Variants in MLPH observed in about 807,000 individuals in gnomAD.
MLPH encodes melanophilin, also known as exophilin-3.
Under a neutral mutation model 72.1 loss-of-function variants are expected in MLPH, and 51 were observed. That is an observed-to-expected ratio of 0.71 (90% confidence interval 0.56 to 0.89). The LOEUF is 0.89. Among genes scored for constraint, MLPH ranks in the 40% least tolerant of loss-of-function variants. The probability of loss-of-function intolerance (pLI) is 0.00; values close to 1 mark genes in which losing one functional copy is unlikely to be tolerated. For synonymous variants in MLPH, 301 were observed against 310.1 expected, an observed-to-expected ratio of 0.97 and a Z score of 0.31; for missense variants, 743 against 759.9, an observed-to-expected ratio of 0.98 and a Z score of 0.26.
intron 1 of MLPH, among the ~76,000 whole-genome samples, chr2:237,492,182 AT>A (rs1315769193): frequency 2.6e-5 from 4 of 152,030 alleles, no homozygotes; most frequent in African/African-American, 4.8e-5. Flanking sequence ...TGACATTTGG[AT>A]TTTCCTTCCT....
In MLPH at chr2:237,510,660, G is replaced by A. The variant is rs142906980; in HGVS notation, c.197G>A (p.Arg66His). 4.0e-5 allele frequency: 65 copies of A among 1,613,764 alleles called. 1 individual carries two copies. Among genetic ancestry groups the A allele is most frequent in the South Asian group, 1.6e-4 (15 of 91,088 alleles). Residue 66 changes from arginine to histidine, a missense_variant, in exon 3 of 16, where the codon CGC becomes CAC. Physicochemically the swap from Arg to His is conservative, Grantham distance 29. Coordinates refer to ENST00000264605, the MANE Select transcript of MLPH (RefSeq NM_024101.7). This position sits in a 1 kb window ranked among gnomAD's most constrained non-coding sequence, Gnocchi z 4.4. Reference protein sequence around the residue: ...TAHLNETHCARCLQPYQLLVN... With the variant: ...TAHLNETHCAHCLQPYQLLVN... ...CATCTGAACGAGACCCACTGCGCCC[G>A]CTGCCTGCAGCCCTACCAGCTGCTT...
At chr2:237,521,810 A>C (rs1449639282) in intron 6 of MLPH, among the ~76,000 whole-genome samples, 1 of 131,714 alleles carries the variant, frequency 7.6e-6, no homozygotes, top group Non-Finnish European at 1.5e-5. Flanking sequence ...GCTGGAGCGG[A>C]GCAGGGCTGA....
intron 9 of MLPH, chr2:237,537,409 C>T (rs2080557627): frequency 6.6e-6 from 1 of 152,308 alleles, no homozygotes; most frequent in African/African-American, 2.4e-5. Context: ...GGGCGCTGGG[C>T]TTCCATTTCT....
At chr2:237,502,940 G>A (rs151073817) in intron 2 of MLPH, among the ~76,000 whole-genome samples, 2,882 of 152,164 alleles carry the variant, frequency 0.019, 99 homozygotes, top group African/African-American at 0.066. Flanking sequence ...TCAGCATGGC[G>A]AAACCCCATC....
At chr2:237,523,041 G>T (rs2080224628) in intron 6 of MLPH, among the ~76,000 whole-genome samples, 1 of 152,326 alleles carries the variant, frequency 6.6e-6, no homozygotes, top group Non-Finnish European at 1.5e-5. Context: ...TATTTGAAAA[G>T]TTGATTAATG....
At chr2:237,553,492 A>C (rs1227989829) in intron 15 of MLPH, 74 bp from the exon 16 acceptor site, 1 of 1,384,582 alleles carries the variant, frequency 7.2e-7, no homozygotes, top group Non-Finnish European at 1.0e-6. Flanking sequence ...TTGTATGTGC[A>C]TGCCCATGTG....
At chr2:237,495,873 C>A (rs1574832222) in intron 2 of MLPH, among the ~76,000 whole-genome samples, 1 of 152,206 alleles carries the variant, frequency 6.6e-6, no homozygotes, top group Non-Finnish European at 1.5e-5. Context: ...AGGGCTGACA[C>A]CCTGTCCCCT....
chr2:237,510,340 C>T lies in MLPH; in HGVS notation c.111-234C>T, dbSNP rs982655810. The T allele has an allele frequency of 2.2e-5, 13 of 596,140 alleles. No homozygotes were observed. Among genetic ancestry groups the T allele is most frequent in the African/African-American group, 7.4e-5 (4 of 53,704 alleles). 36.9% of individuals were successfully genotyped at this position (596,140 alleles called of 1,614,324 possible). On this transcript the variant is annotated intron_variant, in intron 2 of 15. Coordinates refer to ENST00000264605, the MANE Select transcript of MLPH (RefSeq NM_024101.7). This position sits in a 1 kb window ranked among gnomAD's most constrained non-coding sequence, Gnocchi z 4.4. ...TGCAATATCATTTCTATGAAATTAA[C>T]GTGTTTCCATTCCATTCCAGCCACC...
intron 7 of MLPH, among the ~76,000 whole-genome samples, chr2:237,526,887 G>C (rs541902244): frequency 1.2e-4 from 19 of 152,338 alleles, no homozygotes; most frequent in Admixed American, 4.6e-4. Context: ...ATGCTGTGCT[G>C]TTAGAACAAA....
intron 13 of MLPH, among the ~76,000 whole-genome samples, chr2:237,546,991 G>A (rs2106408079): frequency 6.6e-6 from 1 of 152,342 alleles, no homozygotes; most frequent in South Asian, 2.1e-4. Context: ...ACCCACACAG[G>A]CTGACTGTGG....
At chr2:237,521,406 C>T (rs114048410) in intron 6 of MLPH, among the ~76,000 whole-genome samples, 72 of 152,132 alleles carry the variant, frequency 4.7e-4, no homozygotes, top group African/African-American at 1.7e-3. Flanking sequence ...CTTGAATAGC[C>T]CTCCTATTTT....
intron 9 of MLPH, 143 bp downstream of exon 9, chr2:237,534,790 G>C (rs2080498752): frequency 2.8e-6 from 2 of 722,138 alleles, no homozygotes. Context: ...AGTTCTCAGA[G>C]AGCCAGGCAG....
At chr2:237,543,117 C>T (rs116222789) in intron 12 of MLPH, among the ~76,000 whole-genome samples, 1 of 49,268 alleles carries the variant, frequency 2.0e-5, no homozygotes, top group Non-Finnish European at 3.5e-5. Flanking sequence ...AGTGGGGGTA[C>T]AGTGGTGAGT....
intron 2 of MLPH, among the ~76,000 whole-genome samples, chr2:237,509,021 A>C (rs1049917806): frequency 3.1e-4 from 47 of 152,198 alleles, no homozygotes; most frequent in African/African-American, 1.1e-3. Flanking sequence ...CAATTAGCAG[A>C]GTGCATGGAG....
At chr2:237,546,172 T>C (rs1032790225) in intron 12 of MLPH, among the ~76,000 whole-genome samples, 27 of 152,172 alleles carry the variant, frequency 1.8e-4, no homozygotes, top group African/African-American at 4.8e-4. Context: ...TTGATCAGCC[T>C]TCCACTGAAC....
At chr2:237,489,143 G>C (rs2079378567) in intron 1 of MLPH, among the ~76,000 whole-genome samples, 1 of 152,238 alleles carries the variant, frequency 6.6e-6, no homozygotes, top group Non-Finnish European at 1.5e-5. Context: ...ACTGGGATGG[G>C]AACCCAGCTC....
intron 9 of MLPH, among the ~76,000 whole-genome samples, chr2:237,535,415 A>T (rs1435042098): frequency 6.6e-6 from 1 of 152,010 alleles, no homozygotes; most frequent in Non-Finnish European, 1.5e-5. Context: ...GACACAGTCA[A>T]ACCACAACAG....
At chr2:237,526,004 C>T (rs2080297468) in intron 7 of MLPH, among the ~76,000 whole-genome samples, 199 bp downstream of exon 7, 1 of 152,238 alleles carries the variant, frequency 6.6e-6, no homozygotes, top group Non-Finnish European at 1.5e-5. Flanking sequence ...TGTGCGCTTC[C>T]CTGTAACTGT....
chr2:237,549,907 A>T (rs1395219907), intron 14 of MLPH, among the ~76,000 whole-genome samples: 1 of 152,234 alleles, frequency 6.6e-6, no homozygotes, highest in Admixed American at 6.5e-5. Context: ...CCACAGCTGC[A>T]GTCCTTGCAG....
Sources: allele counts gnomAD v4.1 joint callset (sites outside exome capture counted in the v4.1 genomes callset), GRCh38; gene constraint gnomAD v4.1.1; non-coding constraint Gnocchi (gnomAD v3.1); transcripts MANE v1.5; gene names NCBI Gene and HGNC (gene_info 2026-07-23, HGNC 2026-07-21).